Variants in SEC22A observed in about 807,000 individuals in gnomAD.
SEC22A encodes SEC22 homolog A, vesicle trafficking protein.
Under a neutral mutation model 35.3 loss-of-function variants are expected in SEC22A, and 22 were observed. That is an observed-to-expected ratio of 0.62 (90% confidence interval 0.45 to 0.89). The LOEUF is 0.89. SEC22A is among the 40% of genes least tolerant of loss of function. The pLI is 0.00. For synonymous variants in SEC22A, 119 were observed against 129.5 expected, an observed-to-expected ratio of 0.92 and a Z score of 0.55; for missense variants, 354 against 362.5, an observed-to-expected ratio of 0.98 and a Z score of 0.19.
intron 5 of SEC22A, among the ~76,000 whole-genome samples, chr3:123,255,922 C>CT (rs35426251): frequency 0.2 from 28,001 of 143,574 alleles, 2,681 homozygotes; most frequent in Middle Eastern, 0.28. Context: ...TTTCTTCTTT[C>CT]TTTTTTTTTT....
intron 6 of SEC22A, among the ~76,000 whole-genome samples, chr3:123,268,046 C>T (rs939073473): frequency 1.3e-5 from 2 of 152,114 alleles, no homozygotes; most frequent in Non-Finnish European, 2.9e-5. Flanking sequence ...GGATTCATTG[C>T]CATCTAGTGG....
intron 4 of SEC22A, among the ~76,000 whole-genome samples, chr3:123,239,853 T>G (rs191636725): frequency 5.3e-5 from 8 of 152,360 alleles, no homozygotes; most frequent in Admixed American, 3.9e-4. Context: ...TTTGTCAATT[T>G]TGGCTTTTGC....
intron 6 of SEC22A, among the ~76,000 whole-genome samples, chr3:123,260,639 A>T (rs1937870870): frequency 6.6e-6 from 1 of 152,184 alleles, no homozygotes; most frequent in Admixed American, 6.5e-5. Context: ...TTTTGACCTA[A>T]CTTTTTTGTA....
At chr3:123,252,860 GT>G (rs1937630968) in intron 5 of SEC22A, among the ~76,000 whole-genome samples, 1 of 152,066 alleles carries the variant, frequency 6.6e-6, no homozygotes, top group African/African-American at 2.4e-5. Context: ...GATGGGTATA[GT>G]TTTTTTAAGT....
At chr3:123,204,270 G>A (rs1576480639) in intron 1 of SEC22A, among the ~76,000 whole-genome samples, 1 of 152,114 alleles carries the variant, frequency 6.6e-6, no homozygotes, top group East Asian at 1.9e-4. Context: ...AAAAATAAAG[G>A]ACAAGAAAAG....
At chr3:123,252,248 T>G (rs4613403) in intron 5 of SEC22A, among the ~76,000 whole-genome samples, 29,903 of 152,032 alleles carry the variant, frequency 0.2, 3,043 homozygotes, top group Middle Eastern at 0.27. Context: ...GGTTGATCAT[T>G]ACATTTTACA....
intron 5 of SEC22A, among the ~76,000 whole-genome samples, chr3:123,253,258 C>T (rs980853465): frequency 2.6e-5 from 4 of 152,170 alleles, no homozygotes; most frequent in Non-Finnish European, 4.4e-5. Flanking sequence ...AGATTTTAGA[C>T]TACATAAGCC....
chr3:123,214,316 G>T (rs1002901154), intron 2 of SEC22A, among the ~76,000 whole-genome samples: 1 of 152,214 alleles, frequency 6.6e-6, no homozygotes, highest in African/African-American at 2.4e-5. Context: ...GGATACTTCT[G>T]TTTCGCCAAT....
intron 6 of SEC22A, among the ~76,000 whole-genome samples, chr3:123,269,185 G>GTT (rs1938093078): frequency 1.1e-5 from 1 of 94,942 alleles, no homozygotes; most frequent in Non-Finnish European, 2.4e-5. Flanking sequence ...ATATATGTGT[G>GTT]TGTGTGTGTG....
intron 6 of SEC22A, among the ~76,000 whole-genome samples, chr3:123,262,572 T>G (rs1937917083): frequency 6.6e-6 from 1 of 152,336 alleles, no homozygotes; most frequent in East Asian, 1.9e-4. Context: ...CAGCACACTA[T>G]TCAATAAATT....
chr3:123,244,928 G>A (rs990545590), intron 4 of SEC22A, among the ~76,000 whole-genome samples: 9 of 152,170 alleles, frequency 5.9e-5, no homozygotes, highest in African/African-American at 2.2e-4. Context: ...ATGAAGGGAA[G>A]CTATTGTATA....
At chr3:123,231,071 C>T (rs1467106841) in intron 4 of SEC22A, among the ~76,000 whole-genome samples, 2 of 152,038 alleles carry the variant, frequency 1.3e-5, no homozygotes, top group Admixed American at 6.5e-5. Flanking sequence ...AGAGGTAAAG[C>T]ATGACATTTT....
At chr3:123,234,043 T>A (rs1937371950) in intron 4 of SEC22A, among the ~76,000 whole-genome samples, 1 of 152,198 alleles carries the variant, frequency 6.6e-6, no homozygotes, top group South Asian at 2.1e-4. Context: ...ACAATTGTAT[T>A]CTATACACTA....
rs559365398 is a variant in SEC22A at position 123,223,443 on chromosome 3, T to C, written c.183-116T>C. On this transcript the variant is annotated intron_variant, in intron 2 of 6. Transcript: ENST00000492595. ...TTTTCCTAGAATATATAATAAATGTTAAGATCTTCATTGCCACCGTAGTAG... is the reference window on the plus strand; with the variant it reads ...TTTTCCTAGAATATATAATAAATGTCAAGATCTTCATTGCCACCGTAGTAG... The C allele has an allele frequency of 1.9e-4, 144 of 749,022 alleles. 1 individual carries two copies. In the East Asian group the frequency reaches 3.6e-3, roughly 19 times the overall value. The allele number at this position is 749,022 out of a possible 1,614,324, so 46.4% of individuals were successfully genotyped here. A position where few individuals can be genotyped will look rare whatever the true frequency, so the allele number is the denominator to read the frequency against.
At chr3:123,265,940 A>T (rs534027538) in intron 6 of SEC22A, among the ~76,000 whole-genome samples, 2 of 152,326 alleles carry the variant, frequency 1.3e-5, no homozygotes, top group South Asian at 4.1e-4. Flanking sequence ...AGTCTCGATT[A>T]CTGTAGCCGT....
intron 5 of SEC22A, among the ~76,000 whole-genome samples, chr3:123,247,098 G>C (rs933760682): frequency 6.6e-6 from 1 of 152,158 alleles, no homozygotes; most frequent in African/African-American, 2.4e-5. Context: ...TCTGTTTCCT[G>C]TCCCCATGCC....
chr3:123,268,088 C>G (rs6789422), intron 6 of SEC22A, among the ~76,000 whole-genome samples: 3,262 of 152,292 alleles, frequency 0.021, 110 homozygotes, highest in African/African-American at 0.075. Flanking sequence ...CTTGCCTTTT[C>G]TGAAGCCATG....
At chr3:123,219,477 T>C (rs1378697740) in intron 2 of SEC22A, among the ~76,000 whole-genome samples, 1 of 152,234 alleles carries the variant, frequency 6.6e-6, no homozygotes, top group African/African-American at 2.4e-5. Context: ...TGGAATCAAC[T>C]AACTTCATCC....
In SEC22A at chr3:123,209,445, TC is replaced by T. The variant is rs763737084; in HGVS notation, c.182+47del. The T allele has an allele frequency of 2.0e-6, 3 of 1,504,880 alleles. No individual in the cohort carries two copies. In the South Asian group the frequency reaches 3.6e-5, roughly 18 times the overall value. 93.2% of individuals were successfully genotyped at this position (1,504,880 alleles called of 1,614,324 possible). A position where few individuals can be genotyped will look rare whatever the true frequency, so the allele number is the denominator to read the frequency against. ...ATTTGACTCATTTGCCCAGTAGTTGTCATTTTAATGAAGTTTAAGTGGTTGC... is the reference window on the plus strand; with the variant it reads ...ATTTGACTCATTTGCCCAGTAGTTGTATTTTAATGAAGTTTAAGTGGTTGC... On this transcript the variant is annotated intron_variant, in intron 2 of 6. Transcript: ENST00000492595.
Sources: gnomAD v4.1 joint callset for allele counts (sites outside exome capture counted in the v4.1 genomes callset) on GRCh38, gnomAD v4.1.1 for gene constraint, MANE v1.5 for transcripts, NCBI Gene and HGNC (gene_info 2026-07-23, HGNC 2026-07-21) for gene names.